The following TMEM144 variants were observed in gnomAD, a reference collection of about 807,000 sequenced individuals.
TMEM144 encodes the protein transmembrane protein 144.
TMEM144 carries 39 observed loss-of-function variants against 43.6 expected under a neutral mutation model. That is an observed-to-expected ratio of 0.90 (90% CI 0.69 to 1.17). The LOEUF (loss-of-function observed/expected upper bound fraction) is 1.17, where lower values mean the gene tolerates loss of function less well. TMEM144 is among the 50% of genes most tolerant of loss of function. TMEM144 has a pLI of 0.00. For missense variants in TMEM144, 417 were observed against 411.9 expected (o/e 1.01, Z -0.11); for synonymous variants, 154 against 133.6 (o/e 1.15, Z -1.06).
chr4:158,243,371 A>T (rs2111145896), intron 11 of TMEM144, among the ~76,000 whole-genome samples: 1 of 152,270 alleles, frequency 6.6e-6, no homozygotes, highest in South Asian at 2.1e-4. Context: ...TTTCACTTAC[A>T]TACCAAGAGT....
At chr4:158,211,822 A>G (rs1364556219) in intron 2 of TMEM144, 1 of 152,222 alleles carries the variant, frequency 6.6e-6, no homozygotes, top group African/African-American at 2.4e-5. Flanking sequence ...TTTTCAGTTA[A>G]ACTATCTTTA....
At chr4:158,250,176 T>G (rs2111156951) in intron 12 of TMEM144, among the ~76,000 whole-genome samples, 1 of 145,496 alleles carries the variant, frequency 6.9e-6, no homozygotes, top group African/African-American at 2.5e-5. Context: ...ATTATTTGAT[T>G]TTGTTAATTA....
chr4:158,231,727 G>A (rs1735089421), intron 6 of TMEM144, among the ~76,000 whole-genome samples: 1 of 152,158 alleles, frequency 6.6e-6, no homozygotes, highest in South Asian at 2.1e-4. Flanking sequence ...AGGGGGGTTG[G>A]TAGACAGCTT....
chr4:158,234,971 T>A (rs1735268150), intron 7 of TMEM144: 1 of 152,710 alleles, frequency 6.5e-6, no homozygotes, highest in South Asian at 2.1e-4. Flanking sequence ...ATGAATTTGC[T>A]CATAATTTTT....
chr4:158,243,952 T>C (rs1396909798), intron 11 of TMEM144, among the ~76,000 whole-genome samples: 1 of 152,206 alleles, frequency 6.6e-6, no homozygotes, highest in Non-Finnish European at 1.5e-5. Context: ...TTTTTCTTAT[T>C]AATCCCATTT....
chr4:158,222,889 T>C (rs1443185423), intron 6 of TMEM144, among the ~76,000 whole-genome samples: 1 of 152,364 alleles, frequency 6.6e-6, no homozygotes, highest in Non-Finnish European at 1.5e-5. Flanking sequence ...AGTTTCCTTT[T>C]AAATTACCTA....
chr4:158,235,613 T>C lies in TMEM144; in HGVS notation c.563+108T>C, dbSNP rs559248423. The C allele has an allele frequency of 2.7e-5, 31 of 1,159,152 alleles. 1 individual carries two copies. The South Asian group carries it at 6.6e-4, about 25-fold the overall frequency. 71.8% of individuals were successfully genotyped at this position (1,159,152 alleles called of 1,614,324 possible). On this transcript the variant is annotated intron_variant, in intron 8 of 12. Transcript: ENST00000296529. ...TCTGAGTTCAAGAAGAAAATTGTAA[T>C]GCAAGCTTTGACTTCTATCTCCATG... is the stretch of plus-strand genomic sequence containing the variant.
intron 4 of TMEM144, 67 bp downstream of exon 4, chr4:158,215,380 T>C: frequency 1.9e-6 from 3 of 1,550,916 alleles, no homozygotes; most frequent in Non-Finnish European, 2.6e-6. Flanking sequence ...TCGTTCACAA[T>C]AGGAGGAAAT....
chr4:158,243,958 C>A (rs1735750428), intron 11 of TMEM144, among the ~76,000 whole-genome samples: 1 of 152,146 alleles, frequency 6.6e-6, no homozygotes, highest in African/African-American at 2.4e-5. Context: ...TTATTAATCC[C>A]ATTTCTAGTA....
At chr4:158,248,417 C>CTTT (rs1342476644) in intron 12 of TMEM144, among the ~76,000 whole-genome samples, 3 of 152,106 alleles carry the variant, frequency 2.0e-5, no homozygotes, top group African/African-American at 7.2e-5. Flanking sequence ...GAGCTAGACT[C>CTTT]TGTCTCAAAA....
At chr4:158,235,334 A>T in intron 7 of TMEM144, 104 bp from the exon 8 acceptor site, 3 of 1,164,110 alleles carry the variant, frequency 2.6e-6, no homozygotes, top group Non-Finnish European at 3.7e-6. Flanking sequence ...ATTATATTTT[A>T]AAGCATGTTT....
intron 8 of TMEM144, 35 bp downstream of exon 8, chr4:158,235,540 G>A (rs543430608): frequency 1.3e-6 from 2 of 1,566,848 alleles, no homozygotes; most frequent in Admixed American, 1.8e-5. Context: ...CTATTACTCT[G>A]TTTCATATTT....
Position 158,224,719 on chromosome 4 carries a change from G to A in TMEM144, c.413+5329G>A, listed in dbSNP as rs368696062. Among the ~76,000 whole-genome samples the A allele has an allele frequency of 1.8e-4, 28 of 152,248 alleles. No individual in the cohort carries two copies. In the East Asian group the frequency reaches 4.8e-3, roughly 26 times the overall value. On this transcript the variant is annotated intron_variant, in intron 6 of 12. Transcript: ENST00000296529. ...CCAAATTTTAAGGAAAATGAGTTCT[G>A]CGATGAGTTTCCTCATGCTTCGGCC...
intron 11 of TMEM144, among the ~76,000 whole-genome samples, chr4:158,242,397 A>G (rs995856819): frequency 4.6e-5 from 7 of 152,144 alleles, no homozygotes; most frequent in African/African-American, 1.7e-4. Flanking sequence ...ACCCTCAACA[A>G]TCTTACATTC....
Position 158,223,656 on chromosome 4 carries a change from T to C in TMEM144, c.413+4266T>C, listed in dbSNP as rs554351769. On this transcript the variant is annotated intron_variant, in intron 6 of 12. Transcript: ENST00000296529. Reference sequence around the variant, plus strand: ...TAACTCCAACTTATGAGTGAGAACATGCAGTGTTTGGTTTTCTGTTCCTAT... The same window carrying C: ...TAACTCCAACTTATGAGTGAGAACACGCAGTGTTTGGTTTTCTGTTCCTAT... 5.9e-5 allele frequency among the ~76,000 whole-genome samples: 9 copies of C among 152,336 alleles called. No individual in the cohort carries two copies. In the East Asian group the frequency reaches 1.7e-3, roughly 29 times the overall value.
In TMEM144 at chr4:158,254,080, A is replaced by G. The variant is rs1736352663; in HGVS notation, c.*553A>G. The G allele has an allele frequency of 6.6e-6, 1 of 152,420 alleles. No individual in the cohort carries two copies. Among genetic ancestry groups the G allele is most frequent in the Non-Finnish European group, 1.5e-5 (1 of 68,160 alleles). 9.4% of individuals were successfully genotyped at this position (152,420 alleles called of 1,614,324 possible). On this transcript the variant is annotated 3_prime_UTR_variant, in exon 13 of 13. Transcript: ENST00000296529. The stretch of plus-strand genomic sequence containing the variant: ...GTTAGCCAAAACTTCTGTTTATTTC[A>G]AGTTAATATCGCCCAACTCTACATC...
chr4:158,212,535 T>C (rs1288611461), intron 2 of TMEM144, 73 bp from the exon 3 acceptor site: 2 of 615,530 alleles, frequency 3.2e-6, no homozygotes, highest in Non-Finnish European at 5.5e-6. Context: ...AAAAATTCAA[T>C]AAATATAATA....
chr4:158,242,772 T>A (rs528494687), intron 11 of TMEM144, among the ~76,000 whole-genome samples: 1 of 152,216 alleles, frequency 6.6e-6, no homozygotes, highest in Non-Finnish European at 1.5e-5. Context: ...AATCTTAAGA[T>A]AGGAGCGAGT....
rs964225664 is a variant in TMEM144, at chr4:158,235,444, A to G, written c.502A>G (p.Asn168Asp). ...TTPLITEHVI[N>D]TTQDPCSWVD... ...GGGCCAATGTTTTCAATAGGTGATC[A>G]ACACAACCCAAGACCCCTGTTCCTG... The change falls in exon 8 of 13, where the codon AAC becomes GAC. Residue 168 changes from asparagine (N) to aspartate (D), a missense_variant. By Grantham distance (23) the Asn-to-Asp change is conservative. Coordinates refer to ENST00000296529, the MANE Select transcript of TMEM144 (RefSeq NM_018342.5). The G allele has an allele frequency of 6.2e-7, 1 of 1,613,908 alleles. No individual in the cohort carries two copies. The highest frequency in any genetic ancestry group is 1.7e-5 in the Admixed American group (1 of 60,008).
Sources: gnomAD v4.1 joint callset for allele counts (sites outside exome capture counted in the v4.1 genomes callset) on GRCh38, gnomAD v4.1.1 for gene constraint, MANE v1.5 for transcripts, NCBI Gene and HGNC (gene_info 2026-07-23, HGNC 2026-07-21) for gene names.